KLHL29: variants seen among roughly 807,000 people sequenced by gnomAD.
The protein encoded by KLHL29 is kelch-like protein 29.
In KLHL29, 21 loss-of-function variants were observed where a neutral mutation model predicts 80.4. The ratio of observed to expected loss-of-function variants is 0.26; its 90% confidence interval spans 0.19 to 0.38. The LOEUF (loss-of-function observed/expected upper bound fraction) is 0.38, where lower values mean the gene tolerates loss of function less well. KLHL29 is among the 10% of genes least tolerant of loss of function. KLHL29 has a pLI of 1.00. For synonymous variants in KLHL29, 511 were observed against 526.8 expected (o/e 0.97, Z 0.41); for missense variants, 867 against 1,223.9 (o/e 0.71, Z 4.35).
At chr2:23,611,195 G>A (rs1026918454) in intron 3 of KLHL29, among the ~76,000 whole-genome samples, 5 of 152,140 alleles carry the variant, frequency 3.3e-5, no homozygotes, top group African/African-American at 9.7e-5. Flanking sequence ...TATTCGATTC[G>A]GGTCTGGGAA....
intron 8 of KLHL29, among the ~76,000 whole-genome samples, chr2:23,694,619 T>G (rs1671833529): frequency 6.6e-6 from 1 of 152,138 alleles, no homozygotes; most frequent in African/African-American, 2.4e-5. Context: ...CTTCTCCCTG[T>G]CTCCCTAAAC....
chr2:23,455,616 T>C (rs1664028947), intron 1 of KLHL29, among the ~76,000 whole-genome samples: 1 of 149,140 alleles, frequency 6.7e-6, no homozygotes, highest in East Asian at 1.9e-4. Context: ...TTTTTTTTTT[T>C]TTTTTTTTTT....
intron 3 of KLHL29, among the ~76,000 whole-genome samples, chr2:23,597,303 A>ATGTGTG (rs1178808276): frequency 5.1e-4 from 42 of 82,222 alleles, no homozygotes; most frequent in Middle Eastern, 5.8e-3. Context: ...TCTCATATAT[A>ATGTGTG]TATATATGTG....
chr2:23,641,883 C>G (rs1420465548), intron 4 of KLHL29, among the ~76,000 whole-genome samples: 1 of 152,198 alleles, frequency 6.6e-6, no homozygotes, highest in Non-Finnish European at 1.5e-5. Context: ...ACTCAGGAGG[C>G]TGAGGCAGGA....
chr2:23,501,647 T>G (rs1269609984), intron 2 of KLHL29, among the ~76,000 whole-genome samples: 1 of 152,206 alleles, frequency 6.6e-6, no homozygotes, highest in Non-Finnish European at 1.5e-5. Flanking sequence ...CGTTTCTGAT[T>G]TTTAACTGTT....
chr2:23,708,497 C>G lies in KLHL29; in HGVS notation c.*1833C>G, dbSNP rs1275155675. On this transcript the variant is annotated 3_prime_UTR_variant, in exon 14 of 14. Coordinates refer to ENST00000486442, the MANE Select transcript of KLHL29 (RefSeq NM_052920.2). The stretch of plus-strand genomic sequence containing the variant: ...ATCTATCACACTGGAGCAAAACTGG[C>G]TATTTCTGTGAATGATATAAAACAG... The G allele has an allele frequency of 2.6e-5, 4 of 152,102 alleles. No homozygotes were observed. Among genetic ancestry groups the G allele is most frequent in the African/African-American group, 9.7e-5 (4 of 41,402 alleles). The allele number at this position is 152,102 out of a possible 1,614,324, so 9.4% of individuals were successfully genotyped here.
rs958797404 is a variant in KLHL29 at position 23,642,436 on chromosome 2, G to A, written c.526G>A (p.Val176Met). ...CCAGCCTCCCACCTTCAGCCCGGCTGTGAACGTCCAGGCCCCGGTCATTGG... is the reference window on the plus strand; with the variant it reads ...CCAGCCTCCCACCTTCAGCCCGGCTATGAACGTCCAGGCCCCGGTCATTGG... The part of the protein sequence containing the change: ...VAQPPTFSPA[V>M]NVQAPVIGVT... The change falls in exon 5 of 14, where the codon GTG (valine) becomes ATG (methionine). Residue 176 changes from valine to methionine, a missense_variant. Around this residue, in one of 2 missense-constraint regions of KLHL29, gnomAD observed 424 missense variants for 456.9 expected, o/e 0.93. Transcript: ENST00000486442. 6.0e-6 allele frequency: 9 copies of A among 1,498,268 alleles called. No individual in the cohort carries two copies. The African/African-American group carries it at 7.0e-5, about 12-fold the overall frequency. The allele number at this position is 1,498,268 out of a possible 1,614,324, so 92.8% of individuals were successfully genotyped here. A position where few individuals can be genotyped will look rare whatever the true frequency, so the allele number is the denominator to read the frequency against.
At chr2:23,549,429 C>T (rs1297047987) in intron 2 of KLHL29, among the ~76,000 whole-genome samples, 1 of 152,100 alleles carries the variant, frequency 6.6e-6, no homozygotes, top group Non-Finnish European at 1.5e-5. Context: ...AACACACAAC[C>T]TCGCAACAGG....
Position 23,706,601 on chromosome 2 carries a change from C to T in KLHL29, c.2565C>T (p.His855=). 1 of 1,537,224 alleles carries T rather than the reference C, an allele frequency of 6.5e-7. No homozygotes were observed. The highest frequency in any genetic ancestry group is 8.7e-7 in the Non-Finnish European group (1 of 1,146,842). ...CCAACACATGGACCCTCCTCCCCCA[C>T]ATGCCCTGCCCTGTGTTCAGACACG... ...PTTNTWTLLP[H]MPCPVFRHGC... The change falls in exon 14 of 14, where the codon CAC becomes CAT. Residue 855 remains histidine (H), a synonymous_variant. Transcript: ENST00000486442.
intron 2 of KLHL29, among the ~76,000 whole-genome samples, chr2:23,556,333 C>G (rs1402902057): frequency 3.3e-5 from 5 of 152,090 alleles, no homozygotes; most frequent in Admixed American, 3.3e-4. Context: ...CTGGCAGGCT[C>G]TGTGCACAGG....
At chr2:23,653,583 G>A (rs4665625) in intron 5 of KLHL29, among the ~76,000 whole-genome samples, 73,264 of 152,038 alleles carry the variant, frequency 0.48, 18,999 homozygotes, top group Non-Finnish European at 0.57. Context: ...CACAGGGGCC[G>A]AGTCATACAT....
intron 1 of KLHL29, among the ~76,000 whole-genome samples, chr2:23,404,994 CCAGACT>C (rs1036829166): frequency 5.9e-5 from 9 of 152,148 alleles, no homozygotes; most frequent in African/African-American, 7.2e-5. Context: ...TCAGCTTGAG[CCAGACT>C]CAGATCCTGT....
chr2:23,510,170 G>A (rs1215260787), intron 2 of KLHL29, among the ~76,000 whole-genome samples: 1 of 152,134 alleles, frequency 6.6e-6, no homozygotes, highest in African/African-American at 2.4e-5. Context: ...AGTGACAGGG[G>A]AGTTTGCTGA....
intron 1 of KLHL29, among the ~76,000 whole-genome samples, chr2:23,462,432 A>C (rs1203409502): frequency 6.6e-6 from 1 of 152,200 alleles, no homozygotes; most frequent in African/African-American, 2.4e-5. Flanking sequence ...AACTGACAGA[A>C]AGAGCCCCAG....
chr2:23,513,679 C>G (rs1665842392), intron 2 of KLHL29, among the ~76,000 whole-genome samples: 1 of 152,136 alleles, frequency 6.6e-6, no homozygotes, highest in Non-Finnish European at 1.5e-5. Context: ...CTCCTCCTTC[C>G]CACGTCACTC....
chr2:23,643,509 A>T, intron 5 of KLHL29: 1 of 170,042 alleles, frequency 5.9e-6, no homozygotes, highest in Non-Finnish European at 1.3e-5. Flanking sequence ...CATTCCAGGG[A>T]ACTCGAAGGT....
intron 1 of KLHL29, among the ~76,000 whole-genome samples, chr2:23,468,557 C>T (rs959316531): frequency 4.6e-5 from 7 of 152,206 alleles, no homozygotes; most frequent in African/African-American, 1.2e-4. Flanking sequence ...CCCTCCCCGC[C>T]GAGCATCAGC....
At chr2:23,657,718 T>G (rs557508995) in intron 5 of KLHL29, among the ~76,000 whole-genome samples, 4 of 152,306 alleles carry the variant, frequency 2.6e-5, no homozygotes, top group South Asian at 4.1e-4. Context: ...TTGGCTGGCA[T>G]CTCCTCACCC....
chr2:23,490,559 A>C (rs958036645), intron 2 of KLHL29, among the ~76,000 whole-genome samples: 4 of 152,222 alleles, frequency 2.6e-5, no homozygotes, highest in African/African-American at 9.6e-5. Context: ...CTGCTTGGTC[A>C]AAAGCCCCCT....
Sources: allele counts gnomAD v4.1 joint callset (sites outside exome capture counted in the v4.1 genomes callset), GRCh38; gene constraint gnomAD v4.1.1; regional missense constraint gnomAD v4.1.1; transcripts MANE v1.5; gene names NCBI Gene and HGNC (gene_info 2026-07-23, HGNC 2026-07-21).